NSUN7: variants seen among roughly 807,000 people sequenced by gnomAD.
The protein encoded by NSUN7 is NOP2/Sun RNA methyltransferase family member 7, also known as protein NSUN7.
In NSUN7, 39 loss-of-function variants were observed where a neutral mutation model predicts 58.5. That is an observed-to-expected ratio of 0.67 (90% CI 0.52 to 0.87). The LOEUF (loss-of-function observed/expected upper bound fraction) is 0.87. NSUN7 is among the 40% of genes least tolerant of loss of function. The probability of loss-of-function intolerance (pLI) is 0.00; values close to 1 mark genes in which losing one functional copy is unlikely to be tolerated. For synonymous variants in NSUN7, 278 were observed against 303.7 expected, an observed-to-expected ratio of 0.92 and a Z score of 0.88; for missense variants, 765 against 844.1, an observed-to-expected ratio of 0.91 and a Z score of 1.16.
In NSUN7 at chr4:40,775,386, A is replaced by G. The variant is rs953707584; in HGVS notation, c.825+436A>G. 1 of 153,124 alleles carries G rather than the reference A, an allele frequency of 6.5e-6. No individual in the cohort carries two copies. Among genetic ancestry groups the G allele is most frequent in the African/African-American group, 2.4e-5 (1 of 41,468 alleles). The allele number at this position is 153,124 out of a possible 1,614,324, so 9.5% of individuals were successfully genotyped here. Reference sequence around the variant, plus strand: ...TATAGCTTTGATTTGTAAGAGGTATATAAAGGCTATCAATATAGGAAGAGA... The same window carrying G: ...TATAGCTTTGATTTGTAAGAGGTATGTAAAGGCTATCAATATAGGAAGAGA... On this transcript the variant is annotated intron_variant, in intron 6 of 11. Transcript: ENST00000381782. This position sits in a 1 kb window ranked among gnomAD's most constrained non-coding sequence, Gnocchi z 4.3.
intron 4 of NSUN7, among the ~76,000 whole-genome samples, chr4:40,763,782 C>T (rs1741575355): frequency 6.6e-6 from 1 of 152,194 alleles, no homozygotes; most frequent in African/African-American, 2.4e-5. Flanking sequence ...AACACATATT[C>T]TGGTTACATT....
At chr4:40,754,329 T>C (rs1177631619) in intron 2 of NSUN7, among the ~76,000 whole-genome samples, 1 of 152,112 alleles carries the variant, frequency 6.6e-6, no homozygotes, top group Non-Finnish European at 1.5e-5. Flanking sequence ...GTATTTTTAG[T>C]AGAGATGGGA....
intron 7 of NSUN7, among the ~76,000 whole-genome samples, chr4:40,778,498 G>A (rs1323747540): frequency 2.0e-5 from 3 of 152,216 alleles, no homozygotes; most frequent in African/African-American, 7.2e-5. Context: ...GTGCCGTTAC[G>A]AAGGGGACCC....
chr4:40,753,010 C>T (rs1049063345), intron 2 of NSUN7, among the ~76,000 whole-genome samples: 6 of 152,100 alleles, frequency 3.9e-5, no homozygotes, highest in East Asian at 1.9e-4. Context: ...CTTTTTTTCT[C>T]GCAACAGTGA....
rs1186901062 is a variant in NSUN7 at position 40,810,212 on chromosome 4, G to T, written c.*1273G>T. The T allele has an allele frequency of 2.0e-5, 3 of 152,136 alleles. No homozygotes were observed. Among genetic ancestry groups the T allele is most frequent in the Non-Finnish European group, 2.9e-5 (2 of 68,022 alleles). 9.4% of individuals were successfully genotyped at this position (152,136 alleles called of 1,614,324 possible). ...TTACTTGAAGTGAGAAAAGAGAATG[G>T]TGAATTGTATTATAGCGGTAATACA... On this transcript the variant is annotated 3_prime_UTR_variant, in exon 12 of 12. Coordinates refer to ENST00000381782, the MANE Select transcript of NSUN7 (RefSeq NM_024677.6).
intron 2 of NSUN7, among the ~76,000 whole-genome samples, chr4:40,757,729 C>T (rs141145878): frequency 0.011 from 216 of 20,018 alleles, 2 homozygotes; most frequent in African/African-American, 0.041. Flanking sequence ...TATATATACA[C>T]ACACACACAC....
chr4:40,782,472 G>T (rs1311129884), intron 7 of NSUN7, among the ~76,000 whole-genome samples: 1 of 151,676 alleles, frequency 6.6e-6, no homozygotes, highest in Non-Finnish European at 1.5e-5. Context: ...GGAGGCTGAG[G>T]CTGGAGAATC....
At chr4:40,782,428 C>T (rs1195383902) in intron 7 of NSUN7, among the ~76,000 whole-genome samples, 7 of 151,150 alleles carry the variant, frequency 4.6e-5, no homozygotes, top group African/African-American at 1.2e-4. Flanking sequence ...ATTAGCCAGG[C>T]GTGGTGGCTT....
chr4:40,797,950 T>A (rs940835066), intron 9 of NSUN7, among the ~76,000 whole-genome samples: 6 of 152,196 alleles, frequency 3.9e-5, no homozygotes, highest in African/African-American at 1.2e-4. Context: ...ACTTCAGGCC[T>A]TTACACTGGC....
intron 4 of NSUN7, among the ~76,000 whole-genome samples, chr4:40,769,356 G>T (rs776700440): frequency 2.0e-5 from 3 of 152,120 alleles, no homozygotes; most frequent in Non-Finnish European, 4.4e-5. Context: ...TAGAAAACTG[G>T]CCAAAATATA....
At position 40,775,643 on chromosome 4, in the gene NSUN7, T is replaced by A. The variant is rs1030096662; in HGVS notation, c.826-406T>A. On this transcript the variant is annotated intron_variant, in intron 6 of 11. Transcript: ENST00000381782. The surrounding 1 kb of genome is among the most constrained non-coding windows in gnomAD (Gnocchi z 4.3). ...AGCCCCCTTTGATGAGCTTCTCAAA[T>A]ATATTAATTTTAATCTCTGTGAGCT... Among the ~76,000 whole-genome samples, 2 of 152,136 alleles carry A rather than the reference T, an allele frequency of 1.3e-5. No homozygotes were observed. Among genetic ancestry groups the A allele is most frequent in the Non-Finnish European group, 2.9e-5 (2 of 68,016 alleles).
intron 7 of NSUN7, among the ~76,000 whole-genome samples, chr4:40,787,858 G>A (rs990209241): frequency 5.3e-5 from 8 of 152,262 alleles, no homozygotes; most frequent in African/African-American, 1.7e-4. Context: ...TTGAGACGGA[G>A]TCTTGCTCTG....
intron 8 of NSUN7, among the ~76,000 whole-genome samples, chr4:40,793,140 GA>G (rs906226103): frequency 2.6e-5 from 4 of 151,782 alleles, no homozygotes; most frequent in African/African-American, 7.3e-5. Context: ...TTAGAACAGA[GA>G]AAAAAAATGT....
At chr4:40,795,186 G>A (rs981011808) in intron 9 of NSUN7, among the ~76,000 whole-genome samples, 2 of 152,090 alleles carry the variant, frequency 1.3e-5, no homozygotes, top group South Asian at 2.1e-4. Context: ...ATGGATATGG[G>A]CATAGACCCC....
intron 2 of NSUN7, among the ~76,000 whole-genome samples, chr4:40,758,640 C>T (rs562359158): frequency 1.3e-5 from 2 of 151,658 alleles, no homozygotes; most frequent in African/African-American, 2.4e-5. Context: ...ACTTAGCCAA[C>T]GTGGCAAAAA....
At chr4:40,790,492 T>C (rs1743029194) in intron 7 of NSUN7, 110 bp from the exon 8 acceptor site, 1 of 667,072 alleles carries the variant, frequency 1.5e-6, no homozygotes, top group East Asian at 3.1e-5. Flanking sequence ...TCAAAATGAA[T>C]TTTTGTGAGG....
At chr4:40,768,548 G>A (rs953558127) in intron 4 of NSUN7, among the ~76,000 whole-genome samples, 2 of 152,182 alleles carry the variant, frequency 1.3e-5, no homozygotes, top group African/African-American at 4.8e-5. Context: ...GAAGCTGAAT[G>A]AGAATGATTT....
intron 10 of NSUN7, 94 bp from the exon 11 acceptor site, chr4:40,806,967 G>C: frequency 7.6e-7 from 1 of 1,311,370 alleles, no homozygotes; most frequent in Non-Finnish European, 1.0e-6. Flanking sequence ...GATTGGTAAA[G>C]TATACTAGAA....
chr4:40,788,147 C>T (rs1742919497), intron 7 of NSUN7, among the ~76,000 whole-genome samples: 1 of 152,098 alleles, frequency 6.6e-6, no homozygotes, highest in South Asian at 2.1e-4. Context: ...TTGCCTCTTC[C>T]TGAGATGGGA....
Sources: allele counts gnomAD v4.1 joint callset (sites outside exome capture counted in the v4.1 genomes callset), GRCh38; gene constraint gnomAD v4.1.1; non-coding constraint Gnocchi (gnomAD v3.1); transcripts MANE v1.5; gene names NCBI Gene and HGNC (gene_info 2026-07-23, HGNC 2026-07-21).